LCORL: variants seen among roughly 807,000 people sequenced by gnomAD.
LCORL encodes the protein ligand-dependent nuclear receptor corepressor-like protein.
A neutral mutation model predicts 141.8 loss-of-function variants in LCORL; 41 were observed. The ratio of observed to expected loss-of-function variants is 0.29; its 90% CI spans 0.23 to 0.38. The LOEUF (loss-of-function observed/expected upper bound fraction) is 0.38, where lower values mean the gene tolerates loss of function less well. LCORL is among the 10% of genes least tolerant of loss of function. LCORL has a pLI of 1.00. For missense variants in LCORL, 1,759 were observed against 2,035.0 expected, an observed-to-expected ratio of 0.86 and a Z score of 2.61; for synonymous variants, 618 against 694.1, an observed-to-expected ratio of 0.89 and a Z score of 1.72.
intron 4 of LCORL, among the ~76,000 whole-genome samples, chr4:17,922,447 T>C (rs567210316): frequency 2.0e-5 from 3 of 152,312 alleles, no homozygotes; most frequent in Non-Finnish European, 4.4e-5. Flanking sequence ...TTTGACCATA[T>C]GTAAAGAACC....
chr4:17,877,849 C>G (rs921681242), exon 7 of LCORL: 1 of 1,230,526 alleles, frequency 8.1e-7, no homozygotes, highest in Admixed American at 4.2e-5. Context: ...ACTGGCTTAA[C>G]GTGTTCAACA....
At chr4:17,936,693 A>G (rs934018926) in intron 4 of LCORL, among the ~76,000 whole-genome samples, 3 of 152,194 alleles carry the variant, frequency 2.0e-5, no homozygotes, top group African/African-American at 7.2e-5. Context: ...GAGTTTAGAT[A>G]TTTTATGAGA....
chr4:17,951,316 CACAG>C (rs1475427575), intron 4 of LCORL, among the ~76,000 whole-genome samples: 3 of 152,110 alleles, frequency 2.0e-5, no homozygotes, highest in South Asian at 2.1e-4. Flanking sequence ...TGTAAAGAAA[CACAG>C]ACAATCTCTA....
At chr4:17,955,333 G>A (rs934665406) in intron 4 of LCORL, among the ~76,000 whole-genome samples, 1 of 152,172 alleles carries the variant, frequency 6.6e-6, no homozygotes, top group Non-Finnish European at 1.5e-5. Context: ...AATTTCAGTG[G>A]AGTGGTAGGA....
intron 5 of LCORL, among the ~76,000 whole-genome samples, chr4:17,905,187 A>AT (rs1731421369): frequency 6.6e-6 from 1 of 152,014 alleles, no homozygotes; most frequent in Admixed American, 6.6e-5. Context: ...GATAGTGTGC[A>AT]TTTTTTGTGT....
At chr4:17,981,702 T>C (rs1419359826) in intron 1 of LCORL, among the ~76,000 whole-genome samples, 1 of 152,082 alleles carries the variant, frequency 6.6e-6, no homozygotes, top group African/African-American at 2.4e-5. Context: ...ATGATCACGC[T>C]CCTGCACTCT....
intron 5 of LCORL, among the ~76,000 whole-genome samples, chr4:17,893,022 A>T (rs899809992): frequency 1.3e-5 from 2 of 152,218 alleles, no homozygotes; most frequent in African/African-American, 2.4e-5. Flanking sequence ...TCCAAAAATG[A>T]TTACTTTTAA....
chr4:17,904,072 G>A (rs915660041), intron 5 of LCORL, among the ~76,000 whole-genome samples: 5 of 151,950 alleles, frequency 3.3e-5, no homozygotes, highest in Non-Finnish European at 5.9e-5. Context: ...ATAAAACAAT[G>A]AGTATATTCT....
At chr4:17,930,617 G>A (rs1735866710) in intron 4 of LCORL, among the ~76,000 whole-genome samples, 1 of 152,034 alleles carries the variant, frequency 6.6e-6, no homozygotes. Context: ...TCCTAAAATT[G>A]AACCACTTTT....
In LCORL at chr4:18,011,538, T is replaced by G. The variant is rs923432788; in HGVS notation, c.154+10060A>C. On this transcript the variant is annotated intron_variant, in intron 1 of 7. Coordinates refer to ENST00000635767, the Ensembl canonical transcript of LCORL. Reference sequence around the variant, plus strand: ...CTGCTAACCTATAAACCAATGGCACTGTAATGCTAAATATTTTCAGAATAT... The same window carrying G: ...CTGCTAACCTATAAACCAATGGCACGGTAATGCTAAATATTTTCAGAATAT... Among the ~76,000 whole-genome samples the G allele has an allele frequency of 6.6e-5, 10 of 152,300 alleles. No homozygotes were observed. In the East Asian group the frequency reaches 1.9e-3, roughly 29 times the overall value.
rs1725564101 is a variant in LCORL at position 18,021,451 on chromosome 4, G to C, written c.154+147C>G. ...CCGCAAGACAAAAGGCGAGCGCCGG[G>C]GCCGCCGCGCCGCGCCGCTCCCATC... is the stretch of plus-strand genomic sequence containing the variant. On this transcript the variant is annotated intron_variant, in intron 1 of 7. Transcript: ENST00000635767. This position sits in a 1 kb window ranked among gnomAD's most constrained non-coding sequence, Gnocchi z 5.5. 1.6e-6 allele frequency: 1 copy of C among 639,664 alleles called. No homozygotes were observed. Among genetic ancestry groups the C allele is most frequent in the Non-Finnish European group, 2.4e-6 (1 of 410,162 alleles). The allele number at this position is 639,664 out of a possible 1,614,324, so 39.6% of individuals were successfully genotyped here.
intron 1 of LCORL, among the ~76,000 whole-genome samples, chr4:17,991,974 C>T (rs1435048479): frequency 6.6e-6 from 1 of 151,988 alleles, no homozygotes; most frequent in African/African-American, 2.4e-5. Flanking sequence ...TAATGGATAC[C>T]TAAAGGGGAG....
chr4:18,012,464 A>AT (rs1259895254), intron 1 of LCORL, among the ~76,000 whole-genome samples: 1 of 152,190 alleles, frequency 6.6e-6, no homozygotes, highest in Non-Finnish European at 1.5e-5. Context: ...TAATATTTTG[A>AT]TTTTTTATTC....
At chr4:17,958,140 A>C (rs1713050027) in intron 4 of LCORL, among the ~76,000 whole-genome samples, 1 of 151,986 alleles carries the variant, frequency 6.6e-6, no homozygotes, top group Non-Finnish European at 1.5e-5. Flanking sequence ...AAGGTTTTTA[A>C]TATAAAACCT....
At chr4:17,915,253 A>G (rs908832654) in intron 4 of LCORL, among the ~76,000 whole-genome samples, 3 of 152,090 alleles carry the variant, frequency 2.0e-5, no homozygotes. Context: ...CAAGCAGCCA[A>G]ATGTGTGGAC....
At chr4:17,950,410 C>T (rs1463589797) in intron 4 of LCORL, among the ~76,000 whole-genome samples, 3 of 152,040 alleles carry the variant, frequency 2.0e-5, no homozygotes, top group Admixed American at 6.6e-5. Context: ...ATTAACGCAG[C>T]CTATAGACAA....
chr4:17,965,142 G>A (rs1420327850), intron 2 of LCORL, among the ~76,000 whole-genome samples: 1 of 151,854 alleles, frequency 6.6e-6, no homozygotes, highest in Non-Finnish European at 1.5e-5. Flanking sequence ...TCAAATAAAT[G>A]GCAATGAATA....
At chr4:17,991,201 T>C (rs1418992644) in intron 1 of LCORL, among the ~76,000 whole-genome samples, 1 of 152,240 alleles carries the variant, frequency 6.6e-6, no homozygotes, top group Non-Finnish European at 1.5e-5. Flanking sequence ...TCCACTCTAC[T>C]CTGGTGCTCC....
intron 5 of LCORL, among the ~76,000 whole-genome samples, chr4:17,892,843 C>T (rs1452482668): frequency 2.6e-5 from 4 of 152,104 alleles, no homozygotes; most frequent in Non-Finnish European, 5.9e-5. Context: ...CTATGAAAAA[C>T]ATTTTAAAGA....
Sources: gnomAD v4.1 joint callset for allele counts (sites outside exome capture counted in the v4.1 genomes callset) on GRCh38, gnomAD v4.1.1 for gene constraint, Gnocchi (gnomAD v3.1) non-coding constraint, MANE v1.5 for transcripts, NCBI Gene and HGNC (gene_info 2026-07-23, HGNC 2026-07-21) for gene names.